Variants in MTMR8 observed in about 807,000 individuals in gnomAD.
MTMR8 encodes the protein phosphatidylinositol-3,5-bisphosphate 3-phosphatase MTMR8.
A neutral mutation model predicts 39.3 loss-of-function variants in MTMR8; 65 were observed. The observed-to-expected ratio is 1.65, with a 90% CI of 1.35 to 2.03. The LOEUF (loss-of-function observed/expected upper bound fraction) is 2.03. Among genes scored for constraint, MTMR8 ranks in the 30% most tolerant of loss-of-function variants. The pLI, the probability that MTMR8 is intolerant of heterozygous loss-of-function variation, is 0.00. For missense variants in MTMR8, 777 were observed against 538.9 expected (o/e 1.44, Z -4.37); for synonymous variants, 245 against 185.2 (o/e 1.32, Z -2.62).
rs773305646 is a variant in MTMR8, at chrX:64,343,680, G to T, written c.906C>A (p.Ser302Arg). ...LKTPTMSEFLSGLESSGWLRH... is the reference protein window; with the variant it reads ...LKTPTMSEFLRGLESSGWLRH... The stretch of plus-strand genomic sequence containing the variant: ...TTAACCACCCTGAGCTCTCCAGGCC[G>T]CTAAGAAATTCACTCATTGTTGGAG... The change falls in exon 8 of 14, where the codon AGC (serine) becomes AGA (arginine). Residue 302 changes from serine (S) to arginine (R), a missense_variant. Coordinates refer to ENST00000374852, the MANE Select transcript of MTMR8 (RefSeq NM_017677.4). 2 of 1,207,266 alleles carry T rather than the reference G, an allele frequency of 1.7e-6. No individual in the cohort carries two copies. The highest frequency in any genetic ancestry group is 1.8e-5 in the South Asian group (1 of 56,445).
At chrX:64,269,788 TA>T (rs1219643012) in intron 13 of MTMR8, among the ~76,000 whole-genome samples, 2 of 110,892 alleles carry the variant, frequency 1.8e-5, no homozygotes, top group East Asian at 2.8e-4. Flanking sequence ...ATATTGCCTT[TA>T]AAAAAAAGTC....
At chrX:64,389,024 T>A (rs1924631706) in intron 1 of MTMR8, among the ~76,000 whole-genome samples, 1 of 112,009 alleles carries the variant, frequency 8.9e-6, no homozygotes. Flanking sequence ...CACAGACTGT[T>A]TGGCTTCGTA....
intron 10 of MTMR8, among the ~76,000 whole-genome samples, chrX:64,334,397 C>T (rs779089403): frequency 5.5e-5 from 6 of 108,692 alleles, no homozygotes; most frequent in Non-Finnish European, 1.1e-4. Flanking sequence ...TTTTTTCAGG[C>T]CCTCATCAAT....
At chrX:64,346,259 G>A (rs1224329528) in intron 6 of MTMR8, among the ~76,000 whole-genome samples, 2 of 111,195 alleles carry the variant, frequency 1.8e-5, no homozygotes, top group Non-Finnish European at 3.8e-5. Context: ...TATGTGGACA[G>A]GGTATAATTT....
intron 12 of MTMR8, among the ~76,000 whole-genome samples, chrX:64,324,010 A>G (rs1224653511): frequency 8.9e-6 from 1 of 112,944 alleles, no homozygotes; most frequent in Non-Finnish European, 1.9e-5. Flanking sequence ...GGAATTAAAC[A>G]TTTTAAAACC....
intron 10 of MTMR8, among the ~76,000 whole-genome samples, chrX:64,332,431 C>T (rs940628517): frequency 3.6e-5 from 4 of 111,721 alleles, no homozygotes; most frequent in African/African-American, 1.3e-4. Flanking sequence ...ACGATACCAC[C>T]TTTCCTTGGG....
At chrX:64,323,589 C>A (rs1922712604) in intron 12 of MTMR8, among the ~76,000 whole-genome samples, 1 of 112,234 alleles carries the variant, frequency 8.9e-6, no homozygotes, top group African/African-American at 3.2e-5. Flanking sequence ...CATATTCGAC[C>A]AAACAGCTGC....
chrX:64,364,464 C>A (rs781725117), intron 1 of MTMR8, among the ~76,000 whole-genome samples: 1 of 112,027 alleles, frequency 8.9e-6, no homozygotes, highest in South Asian at 3.8e-4. Context: ...GATACCCAGG[C>A]AAACAGGGTC....
At chrX:64,337,422 A>T in intron 8 of MTMR8, 29 bp from the exon 9 acceptor site, 1 of 1,199,899 alleles carries the variant, frequency 8.3e-7, no homozygotes, top group Non-Finnish European at 1.1e-6. Flanking sequence ...AAAAAGTACC[A>T]CAAGCAACCT....
intron 12 of MTMR8, among the ~76,000 whole-genome samples, chrX:64,273,640 C>T (rs1200237129): frequency 1.8e-5 from 2 of 111,329 alleles, no homozygotes; most frequent in African/African-American, 6.5e-5. Context: ...ATGGATTAAA[C>T]TCCCCAATAA....
chrX:64,269,568 G>T (rs1168194114), intron 13 of MTMR8, among the ~76,000 whole-genome samples: 1 of 110,973 alleles, frequency 9.0e-6, no homozygotes, highest in Non-Finnish European at 1.9e-5. Flanking sequence ...ACCTCTAACA[G>T]ATATTTTCAC....
intron 12 of MTMR8, among the ~76,000 whole-genome samples, chrX:64,314,143 C>T (rs942101239): frequency 3.6e-5 from 4 of 112,560 alleles, no homozygotes; most frequent in African/African-American, 1.3e-4. Flanking sequence ...TATGAACCTG[C>T]TGTGCTAGAA....
chrX:64,301,414 G>T (rs1921869904), intron 12 of MTMR8, among the ~76,000 whole-genome samples: 1 of 105,056 alleles, frequency 9.5e-6, no homozygotes, highest in African/African-American at 3.5e-5. Flanking sequence ...TCGAGCCTTG[G>T]TTTTCAGCTC....
intron 12 of MTMR8, among the ~76,000 whole-genome samples, chrX:64,304,883 TATATATATA>T (rs1922034563): frequency 1.3e-5 from 1 of 78,133 alleles, no homozygotes; most frequent in African/African-American, 4.3e-5. Context: ...TATATATATA[TATATATATA>T]TATATATATA....
At chrX:64,297,505 C>T (rs1387314037) in intron 12 of MTMR8, among the ~76,000 whole-genome samples, 116 of 84,354 alleles carry the variant, frequency 1.4e-3, no homozygotes, top group African/African-American at 4.4e-3. Flanking sequence ...GAGTAGGTTG[C>T]GAAAATTTTC....
intron 4 of MTMR8, among the ~76,000 whole-genome samples, chrX:64,351,780 T>C (rs1159171029): frequency 9.0e-6 from 1 of 111,373 alleles, no homozygotes; most frequent in East Asian, 2.9e-4. Context: ...GCATTTAGCA[T>C]GGGAGAAAGA....
At chrX:64,318,997 A>G (rs774415003) in intron 12 of MTMR8, among the ~76,000 whole-genome samples, 1 of 111,773 alleles carries the variant, frequency 8.9e-6, no homozygotes, top group East Asian at 2.8e-4. Flanking sequence ...TGGTTTTTAT[A>G]TCTTAAGGAA....
At chrX:64,363,156 A>C (rs1923841058) in intron 1 of MTMR8, among the ~76,000 whole-genome samples, 1 of 111,646 alleles carries the variant, frequency 9.0e-6, no homozygotes, top group Non-Finnish European at 1.9e-5. Flanking sequence ...GACCATTCGG[A>C]AGGGCAATCT....
At chrX:64,394,788 T>C (rs896867373) in intron 1 of MTMR8, among the ~76,000 whole-genome samples, 2 of 112,331 alleles carry the variant, frequency 1.8e-5, no homozygotes, top group East Asian at 2.8e-4. Context: ...TCCTTTTCCA[T>C]TGCCCAGCTT....
Sources: gnomAD v4.1 joint callset for allele counts (sites outside exome capture counted in the v4.1 genomes callset) on GRCh38, gnomAD v4.1.1 for gene constraint, MANE v1.5 for transcripts, NCBI Gene and HGNC (gene_info 2026-07-23, HGNC 2026-07-21) for gene names.